TMCO4: variants seen among roughly 807,000 people sequenced by gnomAD.
The protein encoded by TMCO4 is transmembrane and coiled-coil domains 4, also known as transmembrane and coiled-coil domain-containing protein 4.
A neutral mutation model predicts 64.7 loss-of-function variants in TMCO4; 58 were observed. That is an observed-to-expected ratio of 0.90 (90% CI 0.73 to 1.12). The LOEUF (loss-of-function observed/expected upper bound fraction) is 1.12, where lower values mean the gene tolerates loss of function less well. Among genes scored for constraint, TMCO4 ranks in the 50% most tolerant of loss-of-function variants. The pLI, the probability that TMCO4 is intolerant of heterozygous loss-of-function variation, is 0.00. For synonymous variants in TMCO4, 325 were observed against 346.1 expected (o/e 0.94, Z 0.68); for missense variants, 780 against 825.9 (o/e 0.94, Z 0.68).
intron 6 of TMCO4, among the ~76,000 whole-genome samples, 157 bp downstream of exon 6, chr1:19,770,385 G>T (rs2042928472): frequency 6.6e-6 from 1 of 152,130 alleles, no homozygotes; most frequent in Non-Finnish European, 1.5e-5. Flanking sequence ...ATGAATGAAG[G>T]GCTCACCAGC....
intron 3 of TMCO4, among the ~76,000 whole-genome samples, chr1:19,783,623 A>G (rs1187081387): frequency 6.6e-6 from 1 of 152,250 alleles, no homozygotes; most frequent in African/African-American, 2.4e-5. Flanking sequence ...ACTACCATGT[A>G]AAGTTAAGTA....
intron 13 of TMCO4, among the ~76,000 whole-genome samples, chr1:19,729,995 C>T (rs893472428): frequency 1.1e-4 from 17 of 152,166 alleles, no homozygotes; most frequent in Middle Eastern, 3.2e-3. Flanking sequence ...GCCTACTTCA[C>T]GGGCTCTTGT....
intron 10 of TMCO4, among the ~76,000 whole-genome samples, chr1:19,744,440 T>C (rs1480882481): frequency 6.6e-6 from 1 of 152,216 alleles, no homozygotes; most frequent in Non-Finnish European, 1.5e-5. Context: ...ACTTTACAAA[T>C]GAAGTAGCTG....
At chr1:19,701,598 C>T (rs977223210) in intron 13 of TMCO4, among the ~76,000 whole-genome samples, 2 of 152,126 alleles carry the variant, frequency 1.3e-5, no homozygotes, top group Non-Finnish European at 1.5e-5. Context: ...TCACACCAGC[C>T]GTGGACTATG....
chr1:19,776,297 G>C (rs1012234921), intron 4 of TMCO4, among the ~76,000 whole-genome samples: 1 of 152,186 alleles, frequency 6.6e-6, no homozygotes, highest in Non-Finnish European at 1.5e-5. Context: ...GGAAACATTC[G>C]AGAAGGAAAC....
chr1:19,770,508 C>T (rs370828803), intron 6 of TMCO4, 34 bp downstream of exon 6: 112 of 1,613,178 alleles, frequency 6.9e-5, no homozygotes, highest in Non-Finnish European at 9.0e-5. Context: ...CAGATGGGTA[C>T]CCACCATTTA....
At chr1:19,694,355 T>G in intron 15 of TMCO4, 79 bp downstream of exon 15, 1 of 1,285,146 alleles carries the variant, frequency 7.8e-7, no homozygotes, top group Non-Finnish European at 1.1e-6. Flanking sequence ...CTGGGGCCAC[T>G]GTCTCCAGGG....
chr1:19,759,600 G>A (rs937129214), intron 6 of TMCO4, among the ~76,000 whole-genome samples: 1 of 152,136 alleles, frequency 6.6e-6, no homozygotes, highest in Non-Finnish European at 1.5e-5. Context: ...CGGCTGCCTC[G>A]GGGCCTTTGC....
chr1:19,712,462 T>C (rs1553130821), intron 13 of TMCO4, among the ~76,000 whole-genome samples: 1 of 151,422 alleles, frequency 6.6e-6, no homozygotes, highest in Non-Finnish European at 1.5e-5. Context: ...CTACTAAAAA[T>C]ACAAAAAATT....
intron 4 of TMCO4, 110 bp from the exon 5 acceptor site, chr1:19,771,592 T>C (rs1309753536): frequency 3.7e-6 from 4 of 1,074,382 alleles, no homozygotes; most frequent in Non-Finnish European, 5.2e-6. Context: ...GTGCCTGACT[T>C]ACTGACTGTG....
chr1:19,764,244 C>T (rs1017314493), intron 6 of TMCO4, among the ~76,000 whole-genome samples: 61 of 152,286 alleles, frequency 4.0e-4, no homozygotes, highest in African/African-American at 1.4e-3. Context: ...TCAGGAGCCC[C>T]GGGGCCTGTC....
rs2095432911 is a variant in TMCO4, at chr1:19,732,185, CCT to C, written c.1264+5185_1264+5186del. Among the ~76,000 whole-genome samples the C allele has an allele frequency of 6.6e-6, 1 of 152,024 alleles. No homozygotes were observed. The highest frequency in any genetic ancestry group is 2.4e-5 in the African/African-American group (1 of 41,406). ...GCTATGGCTAACTAAGGGACAGACC[CCT>C]CTCAGTGTGGCTTTTGCTCTGTCAC... On this transcript the variant is annotated intron_variant, in intron 13 of 15. Coordinates refer to ENST00000294543, the MANE Select transcript of TMCO4 (RefSeq NM_181719.7). This position sits in a 1 kb window ranked among gnomAD's most constrained non-coding sequence, Gnocchi z 4.8.
At chr1:19,731,694 C>T (rs184061713) in intron 13 of TMCO4, among the ~76,000 whole-genome samples, 2 of 152,354 alleles carry the variant, frequency 1.3e-5, no homozygotes, top group South Asian at 2.1e-4. Context: ...AAGTATGTCC[C>T]TATGTCCCTG....
At chr1:19,773,795 A>T (rs1298281527) in intron 4 of TMCO4, among the ~76,000 whole-genome samples, 2 of 152,234 alleles carry the variant, frequency 1.3e-5, no homozygotes, top group African/African-American at 4.8e-5. Context: ...TAGAGGCTCA[A>T]CTACATGAGA....
chr1:19,751,770 C>T (rs1043192901), intron 7 of TMCO4, among the ~76,000 whole-genome samples: 1 of 152,146 alleles, frequency 6.6e-6, no homozygotes, highest in South Asian at 2.1e-4. Flanking sequence ...TTTTGGGGGC[C>T]GGGCGTGGTG....
rs991374445 is a variant in TMCO4 at position 19,734,953 on chromosome 1, C to A, written c.1264+2419G>T. The stretch of plus-strand genomic sequence containing the variant: ...CACAGCCTGGCACCCGGTGGATCTG[C>A]ACTAGCTCGTGGGCACAGCAGCATG... On this transcript the variant is annotated intron_variant, in intron 13 of 15. Coordinates refer to ENST00000294543, the MANE Select transcript of TMCO4 (RefSeq NM_181719.7). This position sits in a 1 kb window ranked among gnomAD's most constrained non-coding sequence, Gnocchi z 4.4. 1.3e-5 allele frequency among the ~76,000 whole-genome samples: 2 copies of A among 152,172 alleles called. No individual in the cohort carries two copies. The highest frequency in any genetic ancestry group is 4.8e-5 in the African/African-American group (2 of 41,444).
At position 19,745,663 on chromosome 1, in the gene TMCO4, G is replaced by A; in HGVS notation, c.758-12C>T. ...CTTCATCTTGTATCCTAAAGACCCA[G>A]ATCCGAGAAAGAGAATGGAGGTGAC... On this transcript the variant is annotated splice_polypyrimidine_tract_variant and intron_variant, in intron 9 of 15. Transcript: ENST00000294543. The A allele has an allele frequency of 6.3e-7, 1 of 1,598,960 alleles. No homozygotes were observed. Among genetic ancestry groups the A allele is most frequent in the Non-Finnish European group, 8.5e-7 (1 of 1,170,478 alleles).
rs77984748 is a variant in TMCO4 at position 19,758,027 on chromosome 1, A to G, written c.383-2261T>C. On this transcript the variant is annotated intron_variant, in intron 6 of 15. Transcript: ENST00000294543. ...TTCCCCAGTCCAGCTGCCTATTAGC[A>G]TGACCTGAGAAGCTTGCCAAAAATA... Among the ~76,000 whole-genome samples the G allele has an allele frequency of 1.4e-3, 218 of 152,366 alleles. 6 individuals are homozygous for G. The East Asian group carries it at 0.039, about 27-fold the overall frequency.
At position 19,720,083 on chromosome 1, in the gene TMCO4, G is replaced by A. The variant is rs550013777; in HGVS notation, c.1264+17289C>T. 3.5e-4 allele frequency among the ~76,000 whole-genome samples: 51 copies of A among 147,260 alleles called. No homozygotes were observed. The South Asian group carries it at 0.01, about 30-fold the overall frequency. The stretch of plus-strand genomic sequence containing the variant: ...TGGTCTTAAACTCCTAGGCTCAAGC[G>A]ATCAATCCTCCTGCCTTGGCCTCCC... On this transcript the variant is annotated intron_variant, in intron 13 of 15. Transcript: ENST00000294543.
Sources: gnomAD v4.1 joint callset for allele counts (sites outside exome capture counted in the v4.1 genomes callset) on GRCh38, gnomAD v4.1.1 for gene constraint, Gnocchi (gnomAD v3.1) non-coding constraint, MANE v1.5 for transcripts, NCBI Gene and HGNC (gene_info 2026-07-23, HGNC 2026-07-21) for gene names.